Variants in PALS2 observed in about 807,000 individuals in gnomAD.
PALS2 encodes protein PALS2.
A neutral mutation model predicts 61.6 loss-of-function variants in PALS2; 27 were observed. The ratio of observed to expected loss-of-function variants is 0.44; its 90% confidence interval spans 0.32 to 0.60. The LOEUF is 0.60. PALS2 is among the 20% of genes least tolerant of loss of function. The pLI is 0.05. For synonymous variants in PALS2, 236 were observed against 218.6 expected, an observed-to-expected ratio of 1.08 and a Z score of -0.70; for missense variants, 554 against 639.4, an observed-to-expected ratio of 0.87 and a Z score of 1.44.
intron 1 of PALS2, among the ~76,000 whole-genome samples, chr7:24,603,484 C>G (rs1408303227): frequency 1.3e-5 from 2 of 152,172 alleles, no homozygotes; most frequent in African/African-American, 4.8e-5. Context: ...AAGATGAGCT[C>G]TCCACATAGA....
rs1302550346 is a variant in PALS2, at chr7:24,680,433, G to A, written c.1359G>A (p.Val453=). 1.2e-6 allele frequency: 2 copies of A among 1,613,534 alleles called. No individual in the cohort carries two copies. The highest frequency in any genetic ancestry group is 1.3e-5 in the African/African-American group (1 of 75,014). ...VLRTSEFMPY[V]VFIAAPELET... is the part of the protein sequence containing the mutation. The stretch of plus-strand genomic sequence containing the variant: ...GGACATCAGAGTTTATGCCCTATGT[G>A]GTATTTATTGCGGCTCCGGAGCTAG... Residue 453 remains valine (V), a synonymous_variant, in exon 11 of 12, where the codon GTG becomes GTA. Transcript: ENST00000222644.
At chr7:24,584,057 A>G (rs1167220627) in intron 1 of PALS2, among the ~76,000 whole-genome samples, 1 of 149,724 alleles carries the variant, frequency 6.7e-6, no homozygotes, top group African/African-American at 2.5e-5. Context: ...AATCCAGTCT[A>G]TCATTGTTGG....
At chr7:24,607,517 GTA>G (rs1369186344) in intron 1 of PALS2, among the ~76,000 whole-genome samples, 1 of 150,840 alleles carries the variant, frequency 6.6e-6, no homozygotes, top group Non-Finnish European at 1.5e-5. Flanking sequence ...ATATATATGT[GTA>G]TATATGTGTG....
chr7:24,669,913 C>T (rs996027266), intron 9 of PALS2, among the ~76,000 whole-genome samples: 5 of 152,232 alleles, frequency 3.3e-5, no homozygotes, highest in East Asian at 1.9e-4. Flanking sequence ...AAAAGTTTTT[C>T]GCTTTTATCA....
intron 1 of PALS2, among the ~76,000 whole-genome samples, chr7:24,587,977 A>G (rs1783137944): frequency 1.3e-5 from 2 of 152,294 alleles, no homozygotes; most frequent in African/African-American, 2.4e-5. Context: ...TTTGCCCCCT[A>G]AGGGACATTT....
chr7:24,589,370 T>G (rs978848469), intron 1 of PALS2: 3 of 152,216 alleles, frequency 2.0e-5, no homozygotes, highest in Admixed American at 6.5e-5. Context: ...GTTATTTTTT[T>G]GGGTCTTGAC....
At chr7:24,634,970 ACT>A (rs1472453104) in intron 2 of PALS2, among the ~76,000 whole-genome samples, 2 of 151,888 alleles carry the variant, frequency 1.3e-5, no homozygotes, top group East Asian at 1.9e-4. Flanking sequence ...TGTTTTGATA[ACT>A]CTTGTGTAGT....
At chr7:24,594,596 A>G (rs577955627) in intron 1 of PALS2, among the ~76,000 whole-genome samples, 1 of 152,212 alleles carries the variant, frequency 6.6e-6, no homozygotes, top group Non-Finnish European at 1.5e-5. Context: ...GGGATTAAGG[A>G]GGTCTGAGGA....
In PALS2 at chr7:24,691,279, A is replaced by G. The variant is rs900516655; in HGVS notation, c.*3665A>G. On this transcript the variant is annotated 3_prime_UTR_variant, in exon 12 of 12. Coordinates refer to ENST00000222644, the MANE Select transcript of PALS2 (RefSeq NM_001303037.2). ...CCAGAAATCACAGGCTAGAGAGCCAATAATTTTGTAGTAATGAACCTTAAC... is the reference window on the plus strand; with the variant it reads ...CCAGAAATCACAGGCTAGAGAGCCAGTAATTTTGTAGTAATGAACCTTAAC... The G allele has an allele frequency of 9.9e-5, 15 of 151,702 alleles. No individual in the cohort carries two copies. The highest frequency in any genetic ancestry group is 1.6e-4 in the Non-Finnish European group (11 of 67,842). The allele number at this position is 151,702 out of a possible 1,614,324, so 9.4% of individuals were successfully genotyped here.
chr7:24,619,842 C>T (rs1009856421), intron 1 of PALS2, among the ~76,000 whole-genome samples: 3 of 151,706 alleles, frequency 2.0e-5, no homozygotes. Flanking sequence ...AGGTAACTTA[C>T]TTTTTGAGTT....
At chr7:24,616,811 T>C (rs1784308035) in intron 1 of PALS2, among the ~76,000 whole-genome samples, 1 of 152,210 alleles carries the variant, frequency 6.6e-6, no homozygotes, top group East Asian at 1.9e-4. Context: ...TCTTCGTCTA[T>C]GACTTGATGC....
chr7:24,600,088 T>G (rs1783665007), intron 1 of PALS2, among the ~76,000 whole-genome samples: 1 of 152,156 alleles, frequency 6.6e-6, no homozygotes, highest in Non-Finnish European at 1.5e-5. Context: ...CATGGTGGTT[T>G]CCTTGGGTTT....
chr7:24,611,858 A>G (rs79508379), intron 1 of PALS2, among the ~76,000 whole-genome samples: 1 of 151,942 alleles, frequency 6.6e-6, no homozygotes, highest in African/African-American at 2.4e-5. Context: ...CTAGCAATAT[A>G]TTAAAATGCT....
intron 5 of PALS2, 133 bp downstream of exon 5, chr7:24,650,845 T>G: frequency 1.6e-6 from 1 of 638,398 alleles, no homozygotes; most frequent in Non-Finnish European, 2.6e-6. Flanking sequence ...TGAAATGGCT[T>G]ATTTTGTCAT....
chr7:24,598,046 T>C (rs556606216), intron 1 of PALS2, among the ~76,000 whole-genome samples: 90 of 152,184 alleles, frequency 5.9e-4, no homozygotes, highest in African/African-American at 1.9e-3. Flanking sequence ...GGGGAGATGA[T>C]TACTTCATGA....
intron 1 of PALS2, chr7:24,620,335 T>C (rs1423055825): frequency 6.6e-6 from 1 of 152,222 alleles, no homozygotes; most frequent in Non-Finnish European, 1.5e-5. Flanking sequence ...TAGGATAATA[T>C]AGTTTAAAAG....
Position 24,649,486 on chromosome 7 carries a change from A to G in PALS2, c.271-126A>G, listed in dbSNP as rs922714862. The G allele has an allele frequency of 6.5e-6, 4 of 614,528 alleles. No individual in the cohort carries two copies. The South Asian group carries it at 1.8e-4, about 28-fold the overall frequency. The allele number at this position is 614,528 out of a possible 1,614,324, so 38.1% of individuals were successfully genotyped here. On this transcript the variant is annotated intron_variant, in intron 3 of 11. Transcript: ENST00000222644. ...TTATTTGATCAACCTGATATTTGGG[A>G]ATTTAATACCATGTGCCTTGGAAAT...
intron 9 of PALS2, among the ~76,000 whole-genome samples, chr7:24,676,201 C>T (rs1019863951): frequency 8.6e-5 from 13 of 151,768 alleles, no homozygotes; most frequent in African/African-American, 1.9e-4. Flanking sequence ...CCATGTCCTT[C>T]GCCCACTTTT....
intron 5 of PALS2, among the ~76,000 whole-genome samples, chr7:24,658,564 T>A (rs1476809339): frequency 4.6e-5 from 7 of 151,382 alleles, no homozygotes. Flanking sequence ...TTCCAACTTT[T>A]TTTTTTTTTT....
Sources: allele counts gnomAD v4.1 joint callset (sites outside exome capture counted in the v4.1 genomes callset), GRCh38; gene constraint gnomAD v4.1.1; transcripts MANE v1.5; gene names NCBI Gene and HGNC (gene_info 2026-07-23, HGNC 2026-07-21).